KAZN: variants seen among roughly 807,000 people sequenced by gnomAD.
The protein encoded by KAZN is kazrin, periplakin interacting protein.
Under a neutral mutation model 87.4 loss-of-function variants are expected in KAZN, and 40 were observed. The observed-to-expected ratio is 0.46, with a 90% CI of 0.36 to 0.60. The LOEUF (loss-of-function observed/expected upper bound fraction) is 0.60. KAZN is among the 20% of genes least tolerant of loss of function. KAZN has a pLI of 0.00. For synonymous variants in KAZN, 466 were observed against 458.3 expected, an observed-to-expected ratio of 1.02 and a Z score of -0.22; for missense variants, 898 against 1,073.9, an observed-to-expected ratio of 0.84 and a Z score of 2.29.
At chr1:14,715,627 C>T (rs1399553108) in intron 1 of KAZN, among the ~76,000 whole-genome samples, 1 of 152,178 alleles carries the variant, frequency 6.6e-6, no homozygotes, top group African/African-American at 2.4e-5. Context: ...CATTTTTCTC[C>T]GAGGACCATA....
At chr1:14,293,576 C>A (rs1215860840) in intron 2 of KAZN, among the ~76,000 whole-genome samples, 1 of 152,068 alleles carries the variant, frequency 6.6e-6, no homozygotes, top group African/African-American at 2.4e-5. Flanking sequence ...TCACTCTGAG[C>A]CCCTGGTCTT....
intron 1 of KAZN, among the ~76,000 whole-genome samples, chr1:13,932,365 A>G (rs1173051612): frequency 7.0e-6 from 1 of 143,136 alleles, no homozygotes; most frequent in Non-Finnish European, 1.5e-5. Context: ...GGTTCATGCC[A>G]TTCTCCTGCC....
chr1:14,030,673 CA>C (rs1641288295), intron 1 of KAZN, among the ~76,000 whole-genome samples: 1 of 146,540 alleles, frequency 6.8e-6, no homozygotes. Flanking sequence ...CACACACACA[CA>C]CACCAATCTA....
chr1:14,031,547 AG>A (rs1436545391), intron 1 of KAZN, among the ~76,000 whole-genome samples: 1 of 152,204 alleles, frequency 6.6e-6, no homozygotes, highest in East Asian at 1.9e-4. Context: ...GATATGTTTT[AG>A]GACATTCACC....
chr1:14,872,616 C>T lies in KAZN; in HGVS notation c.227-88068C>T, dbSNP rs563925987. Among the ~76,000 whole-genome samples, 12 of 152,326 alleles carry T rather than the reference C, an allele frequency of 7.9e-5. No individual in the cohort carries two copies. The East Asian group carries it at 2.1e-3, about 27-fold the overall frequency. ...GCTCATAATTATTGTAACCACTGAT[C>T]TAAGTGGGGCCTGAAATCCTTAAAA... On this transcript the variant is annotated intron_variant, in intron 1 of 14. Coordinates refer to ENST00000376030, the MANE Select transcript of KAZN (RefSeq NM_201628.3).
chr1:14,901,636 C>T (rs1342004068), intron 1 of KAZN, among the ~76,000 whole-genome samples: 1 of 152,094 alleles, frequency 6.6e-6, no homozygotes, highest in African/African-American at 2.4e-5. Flanking sequence ...TGGTGAGAAG[C>T]CCTGGAATTC....
intron 1 of KAZN, among the ~76,000 whole-genome samples, chr1:13,992,502 G>A (rs1639331044): frequency 6.6e-6 from 1 of 152,118 alleles, no homozygotes; most frequent in Non-Finnish European, 1.5e-5. Flanking sequence ...CCTGCAAATG[G>A]TGGCTCGAAG....
intron 1 of KAZN, among the ~76,000 whole-genome samples, chr1:14,023,056 T>G (rs752752150): frequency 6.6e-5 from 10 of 152,182 alleles, no homozygotes; most frequent in Non-Finnish European, 1.3e-4. Context: ...GGCTCATGCC[T>G]GTAATCCCAA....
chr1:14,469,012 T>C (rs1451613922), intron 2 of KAZN, among the ~76,000 whole-genome samples: 1 of 152,226 alleles, frequency 6.6e-6, no homozygotes, highest in Non-Finnish European at 1.5e-5. Flanking sequence ...ATTCTCCTGC[T>C]TCTTCGTTGG....
At chr1:14,316,034 G>A (rs912167516) in intron 2 of KAZN, among the ~76,000 whole-genome samples, 11 of 152,050 alleles carry the variant, frequency 7.2e-5, no homozygotes, top group South Asian at 4.1e-4. Flanking sequence ...TAACTTTCCC[G>A]TAGCTCCGCA....
chr1:14,320,779 C>G (rs1655992473), intron 2 of KAZN, among the ~76,000 whole-genome samples: 1 of 152,136 alleles, frequency 6.6e-6, no homozygotes. Flanking sequence ...TGCATGGAAT[C>G]CTGAAGCTTC....
intron 1 of KAZN, among the ~76,000 whole-genome samples, chr1:14,787,573 A>T (rs1474414129): frequency 6.6e-6 from 1 of 152,228 alleles, no homozygotes. Context: ...AATTACCTGG[A>T]ATATTGGTAT....
intron 2 of KAZN, among the ~76,000 whole-genome samples, chr1:14,459,350 C>T (rs2486768): frequency 0.57 from 86,051 of 151,358 alleles, 25,150 homozygotes; most frequent in African/African-American, 0.69. Context: ...TCTTTTGCTT[C>T]TCCACAGTGA....
At chr1:14,825,194 G>A (rs538383867) in intron 1 of KAZN, among the ~76,000 whole-genome samples, 2 of 152,350 alleles carry the variant, frequency 1.3e-5, no homozygotes, top group South Asian at 2.1e-4. Flanking sequence ...CTGAGGCCGC[G>A]AAGGCACAGA....
Position 14,366,326 on chromosome 1 carries a change from G to A in KAZN, c.249+185734G>A, listed in dbSNP as rs529784622. Among the ~76,000 whole-genome samples the A allele has an allele frequency of 2.0e-5, 3 of 152,338 alleles. No individual in the cohort carries two copies. In the South Asian group the frequency reaches 6.2e-4, roughly 32 times the overall value. On this transcript the variant is annotated intron_variant, in intron 2 of 16. Coordinates refer to the KAZN transcript ENST00000636203. ...TCATTGAAGCTGTTGGCTATTCAGGGTGACCAGTTCAAATCTTGCTGGGAC... is the reference window on the plus strand; with the variant it reads ...TCATTGAAGCTGTTGGCTATTCAGGATGACCAGTTCAAATCTTGCTGGGAC...
At chr1:14,388,085 C>T (rs1276011621) in intron 2 of KAZN, among the ~76,000 whole-genome samples, 4 of 152,154 alleles carry the variant, frequency 2.6e-5, no homozygotes, top group Admixed American at 6.5e-5. Context: ...TTCCAGGTGC[C>T]GTCTGTCACC....
intron 1 of KAZN, among the ~76,000 whole-genome samples, chr1:14,013,577 G>T (rs1193466080): frequency 1.3e-5 from 2 of 152,152 alleles, no homozygotes; most frequent in African/African-American, 2.4e-5. Context: ...TGGGATTCGT[G>T]CTGTATCTCA....
chr1:14,838,642 A>T (rs1226682554), intron 1 of KAZN, among the ~76,000 whole-genome samples: 10 of 152,094 alleles, frequency 6.6e-5, no homozygotes, highest in Non-Finnish European at 1.2e-4. Flanking sequence ...GGAAGGGGAG[A>T]CAGAGTCTCA....
chr1:14,864,294 G>T (rs989160010), intron 1 of KAZN, among the ~76,000 whole-genome samples: 2 of 152,244 alleles, frequency 1.3e-5, no homozygotes, highest in Admixed American at 1.3e-4. Flanking sequence ...GCCGGGCGCG[G>T]TGGCTCACGC....
Sources: gnomAD v4.1 joint callset for allele counts (sites outside exome capture counted in the v4.1 genomes callset) on GRCh38, gnomAD v4.1.1 for gene constraint, MANE v1.5 for transcripts, NCBI Gene and HGNC (gene_info 2026-07-23, HGNC 2026-07-21) for gene names.